Variants in METTL16 observed in about 807,000 individuals in gnomAD.
METTL16 encodes the protein RNA N(6)-adenosine-methyltransferase METTL16.
METTL16 carries 19 observed loss-of-function variants against 57.9 expected under a neutral mutation model. The observed-to-expected ratio is 0.33, with a 90% CI of 0.23 to 0.48. The LOEUF (loss-of-function observed/expected upper bound fraction) is 0.48. Among genes scored for constraint, METTL16 ranks in the 20% least tolerant of loss-of-function variants. The pLI, the probability that METTL16 is intolerant of heterozygous loss-of-function variation, is 0.99. For synonymous variants in METTL16, 246 were observed against 255.6 expected (o/e 0.96, Z 0.36); for missense variants, 434 against 691.5 (o/e 0.63, Z 4.18).
Position 2,472,024 on chromosome 17 carries a change from G to T in METTL16, c.469+1500C>A, listed in dbSNP as rs182897286. Among the ~76,000 whole-genome samples, 565 of 151,602 alleles carry T rather than the reference G, an allele frequency of 3.7e-3. 11 individuals are homozygous for T. Among genetic ancestry groups the T allele is most frequent in the South Asian group, 4.6e-3 (22 of 4,802 alleles). ...AGCTACTTAGGAGGCTGAAGCAGGA[G>T]AATTGCTTGAACCCAGGAGGCAGAG... On this transcript the variant is annotated intron_variant, in intron 4 of 9. Coordinates refer to ENST00000263092, the MANE Select transcript of METTL16 (RefSeq NM_024086.4).
intron 8 of METTL16, among the ~76,000 whole-genome samples, chr17:2,433,433 G>A (rs2066888829): frequency 7.6e-6 from 1 of 131,530 alleles, no homozygotes. Flanking sequence ...GCTGACTGCA[G>A]GATGAATCCA....
intron 2 of METTL16, among the ~76,000 whole-genome samples, chr17:2,487,003 C>CAAAAAAA (rs11397318): frequency 5.2e-5 from 3 of 57,412 alleles, no homozygotes; most frequent in Non-Finnish European, 8.8e-5. Context: ...GATCCTGTCT[C>CAAAAAAA]AAAAAAAAAA....
chr17:2,497,923 G>A (rs527677299), intron 2 of METTL16, among the ~76,000 whole-genome samples: 122 of 151,842 alleles, frequency 8.0e-4, no homozygotes, highest in South Asian at 2.1e-4. Flanking sequence ...GGCCCGGCGC[G>A]GTGGCTCACG....
intron 6 of METTL16, among the ~76,000 whole-genome samples, chr17:2,461,109 T>C (rs1440555730): frequency 5.9e-5 from 9 of 152,124 alleles, no homozygotes; most frequent in Admixed American, 1.3e-4. Context: ...TCCTAACACG[T>C]TGGGAGGCTG....
chr17:2,470,171 T>C (rs1273875781), intron 4 of METTL16, among the ~76,000 whole-genome samples: 1 of 152,206 alleles, frequency 6.6e-6, no homozygotes, highest in African/African-American at 2.4e-5. Flanking sequence ...TGAAGGAAGC[T>C]TGTCTAACAC....
intron 2 of METTL16, among the ~76,000 whole-genome samples, chr17:2,490,840 A>AAT (rs997211419): frequency 3.1e-4 from 47 of 151,696 alleles, no homozygotes; most frequent in African/African-American, 7.2e-4. Context: ...TTGTTATTCA[A>AAT]ATATATATAT....
intron 6 of METTL16, chr17:2,460,174 CCTTT>C (rs1171428685): frequency 6.6e-6 from 1 of 152,144 alleles, no homozygotes; most frequent in Non-Finnish European, 1.5e-5. Flanking sequence ...TTCATTTCTT[CCTTT>C]CTTTCATCTA....
chr17:2,463,794 G>A lies in METTL16; in HGVS notation c.728+414C>T, dbSNP rs928488418. Among the ~76,000 whole-genome samples, 16 of 151,952 alleles carry A rather than the reference G, an allele frequency of 1.1e-4. 1 individual carries two copies. The highest frequency in any genetic ancestry group is 6.6e-4 in the Admixed American group (10 of 15,230). The stretch of plus-strand genomic sequence containing the variant: ...TATCTGCTTGTTCTTCTGAGCACTA[G>A]GATTACTTTTGCTCTGAGTGACATA... On this transcript the variant is annotated intron_variant, in intron 6 of 9. Coordinates refer to ENST00000263092, the MANE Select transcript of METTL16 (RefSeq NM_024086.4).
chr17:2,438,083 T>A, intron 8 of METTL16, 26 bp downstream of exon 8: 1 of 1,543,192 alleles, frequency 6.5e-7, no homozygotes. Context: ...TGGCAGGTGG[T>A]GAAGCGGAGC....
intron 8 of METTL16, among the ~76,000 whole-genome samples, chr17:2,428,572 T>A (rs867289441): frequency 0.018 from 430 of 23,734 alleles, 1 homozygote; most frequent in Middle Eastern, 0.083. Flanking sequence ...AAAATATATA[T>A]ATATATATAT....
intron 1 of METTL16, among the ~76,000 whole-genome samples, chr17:2,508,376 A>G (rs1474117834): frequency 5.3e-5 from 8 of 152,174 alleles, no homozygotes; most frequent in Non-Finnish European, 1.0e-4. Context: ...GCTCAAAAAT[A>G]CATGTACAAT....
Position 2,497,634 on chromosome 17 carries a change from T to C in METTL16, c.128+4570A>G, listed in dbSNP as rs569926336. Reference sequence around the variant, plus strand: ...GCATATCATTTAATAGAGAAATTATTCTCATGCAGTCAACAAATATTAACT... The same window carrying C: ...GCATATCATTTAATAGAGAAATTATCCTCATGCAGTCAACAAATATTAACT... On this transcript the variant is annotated intron_variant, in intron 2 of 9. Transcript: ENST00000263092. Among the ~76,000 whole-genome samples the C allele has an allele frequency of 4.0e-5, 6 of 151,662 alleles. No individual in the cohort carries two copies. In the South Asian group the frequency reaches 1.0e-3, roughly 26 times the overall value.
chr17:2,458,008 T>C (rs1240595835), intron 6 of METTL16, among the ~76,000 whole-genome samples: 1 of 152,036 alleles, frequency 6.6e-6, no homozygotes, highest in Non-Finnish European at 1.5e-5. Flanking sequence ...GCCTACTGGG[T>C]AGCTGGGACC....
Position 2,428,591 on chromosome 17 carries a change from ATATATATAT to A in METTL16, c.889-7696_889-7688del, listed in dbSNP as rs1567881648. 0.012 allele frequency among the ~76,000 whole-genome samples: 584 copies of A among 48,040 alleles called. 70 individuals carry two copies. The East Asian group carries it at 0.24, about 20-fold the overall frequency. 31.5% of individuals were successfully genotyped at this position (48,040 alleles called of 152,430 possible). ...TATATATATATATATATATATATAT[ATATATATAT>A]ATAAATTGTAATACAGCGGGGCACA... is the stretch of plus-strand genomic sequence containing the variant. On this transcript the variant is annotated intron_variant, in intron 8 of 9. Coordinates refer to ENST00000263092, the MANE Select transcript of METTL16 (RefSeq NM_024086.4).
intron 6 of METTL16, among the ~76,000 whole-genome samples, chr17:2,444,248 G>A (rs560862696): frequency 3.9e-5 from 6 of 152,154 alleles, no homozygotes; most frequent in East Asian, 1.9e-4. Context: ...CCAAGAGTTC[G>A]AGACTAGCTT....
At chr17:2,465,182 A>G (rs1175515859) in intron 5 of METTL16, among the ~76,000 whole-genome samples, 9 of 152,204 alleles carry the variant, frequency 5.9e-5, no homozygotes, top group Non-Finnish European at 1.3e-4. Flanking sequence ...ATCATCAGTC[A>G]TCAGGGAAAT....
At chr17:2,493,236 G>GC (rs2067414619) in intron 2 of METTL16, among the ~76,000 whole-genome samples, 1 of 149,674 alleles carries the variant, frequency 6.7e-6, no homozygotes, top group African/African-American at 2.5e-5. Context: ...TTAGAGGTGC[G>GC]TGCCACCACG....
chr17:2,503,648 C>A (rs1169122180), intron 1 of METTL16, among the ~76,000 whole-genome samples: 2 of 151,444 alleles, frequency 1.3e-5, no homozygotes, highest in African/African-American at 4.9e-5. Context: ...TATATCCATA[C>A]AATAAATATG....
At chr17:2,491,192 A>G (rs1448319499) in intron 2 of METTL16, among the ~76,000 whole-genome samples, 1 of 152,222 alleles carries the variant, frequency 6.6e-6, no homozygotes, top group Non-Finnish European at 1.5e-5. Context: ...AGGGAGGCCC[A>G]GGAACTAAAA....
Sources: allele counts gnomAD v4.1 joint callset (sites outside exome capture counted in the v4.1 genomes callset), GRCh38; gene constraint gnomAD v4.1.1; transcripts MANE v1.5; gene names NCBI Gene and HGNC (gene_info 2026-07-23, HGNC 2026-07-21).